The following SPATA6 variants were observed in gnomAD, a reference collection of about 807,000 sequenced individuals.
The protein encoded by SPATA6 is spermatogenesis associated 6.
A neutral mutation model predicts 65.3 loss-of-function variants in SPATA6; 56 were observed. That is an observed-to-expected ratio of 0.86 (90% confidence interval 0.69 to 1.07). The LOEUF is 1.07. Among genes scored for constraint, SPATA6 ranks in the 50% least tolerant of loss-of-function variants. The pLI, the probability that SPATA6 is intolerant of heterozygous loss-of-function variation, is 0.00. For missense variants in SPATA6, 590 were observed against 594.8 expected (o/e 0.99, Z 0.08); for synonymous variants, 199 against 213.2 (o/e 0.93, Z 0.58).
At chr1:48,403,970 C>T in intron 5 of SPATA6, 88 bp from the exon 6 acceptor site, 21 of 912,926 alleles carry the variant, frequency 2.3e-5, no homozygotes, top group South Asian at 1.3e-4. Flanking sequence ...AAGTAACAAA[C>T]ACCTGTCAAA....
intron 11 of SPATA6, among the ~76,000 whole-genome samples, chr1:48,349,575 G>A (rs757762762): frequency 6.6e-6 from 1 of 151,824 alleles, no homozygotes; most frequent in Non-Finnish European, 1.5e-5. Context: ...AATGCATAAA[G>A]TTATTTATTG....
At chr1:48,406,739 T>C (rs1171426016) in intron 5 of SPATA6, among the ~76,000 whole-genome samples, 4 of 152,184 alleles carry the variant, frequency 2.6e-5, no homozygotes, top group African/African-American at 9.7e-5. Context: ...TTATTGAGTG[T>C]TTACTTGCCA....
At chr1:48,471,583 G>T (rs1427117038) in intron 1 of SPATA6, among the ~76,000 whole-genome samples, 1 of 152,134 alleles carries the variant, frequency 6.6e-6, no homozygotes, top group African/African-American at 2.4e-5. Context: ...AAAGGCGGGG[G>T]CAATAATTCT....
At position 48,297,674 on chromosome 1, in the gene SPATA6, T is replaced by C. The variant is rs1202046935; in HGVS notation, c.*1039A>G. The C allele has an allele frequency of 6.6e-6, 1 of 152,174 alleles. No homozygotes were observed. Among genetic ancestry groups the C allele is most frequent in the South Asian group, 2.1e-4 (1 of 4,832 alleles). The allele number at this position is 152,174 out of a possible 1,614,324, so 9.4% of individuals were successfully genotyped here. On this transcript the variant is annotated 3_prime_UTR_variant, in exon 13 of 13. Transcript: ENST00000371847. Reference sequence around the variant, plus strand: ...CCCTCCCCTCACTCTCTATTAAATATAAAGTAGCTGATTTCTTTATGTCTT... The same window carrying C: ...CCCTCCCCTCACTCTCTATTAAATACAAAGTAGCTGATTTCTTTATGTCTT...
rs1428733174 is a variant in SPATA6, at chr1:48,336,119, A to G, written c.1194+19551T>C. On this transcript the variant is annotated intron_variant, in intron 11 of 12. Transcript: ENST00000371847. ...TCAGTCAGAATGGCTATCGTTAAAA[A>G]GTCAAAAAATAACAGATGTTGGTGA... Among the ~76,000 whole-genome samples, 60 of 152,150 alleles carry G rather than the reference A, an allele frequency of 3.9e-4. 1 individual carries two copies. The highest frequency in any genetic ancestry group is 3.4e-3 in the Admixed American group (52 of 15,262).
intron 1 of SPATA6, among the ~76,000 whole-genome samples, chr1:48,463,193 C>T (rs1262836591): frequency 6.6e-6 from 1 of 152,196 alleles, no homozygotes; most frequent in African/African-American, 2.4e-5. Context: ...TCAAGTGAGC[C>T]AATCCCCATA....
downstream of SPATA6, among the ~76,000 whole-genome samples, chr1:48,291,692 G>A (rs189916802): frequency 5.3e-5 from 8 of 152,214 alleles, no homozygotes; most frequent in South Asian, 6.2e-4. Context: ...GAAAGCAAGC[G>A]GACTCACAGT....
intron 12 of SPATA6, among the ~76,000 whole-genome samples, chr1:48,299,551 C>T (rs1644885899): frequency 1.0e-5 from 1 of 99,720 alleles, no homozygotes; most frequent in South Asian, 3.9e-4. Flanking sequence ...TGCATAGTTG[C>T]TAAAAGTCAG....
downstream of SPATA6, among the ~76,000 whole-genome samples, chr1:48,291,606 G>A (rs1022226259): frequency 6.6e-6 from 1 of 152,110 alleles, no homozygotes; most frequent in Non-Finnish European, 1.5e-5. Context: ...CCCTCACCCA[G>A]TAGCACTGAG....
At chr1:48,353,872 A>G (rs1646582882) in intron 11 of SPATA6, among the ~76,000 whole-genome samples, 1 of 152,182 alleles carries the variant, frequency 6.6e-6, no homozygotes, top group East Asian at 1.9e-4. Flanking sequence ...AATGCTAATC[A>G]AAAAGGAAAA....
intron 11 of SPATA6, among the ~76,000 whole-genome samples, chr1:48,314,179 C>T (rs1645325790): frequency 6.6e-6 from 1 of 152,160 alleles, no homozygotes; most frequent in Admixed American, 6.5e-5. Flanking sequence ...CTCAGCTCTG[C>T]ACCAAGCAGA....
chr1:48,452,122 T>C (rs1253959328), intron 2 of SPATA6, among the ~76,000 whole-genome samples: 1 of 152,186 alleles, frequency 6.6e-6, no homozygotes, highest in African/African-American at 2.4e-5. Flanking sequence ...CCCATTACAA[T>C]GAAAGCTCCC....
chr1:48,366,781 GTGTCT>G (rs1647031603), intron 9 of SPATA6, among the ~76,000 whole-genome samples: 1 of 151,954 alleles, frequency 6.6e-6, no homozygotes, highest in Non-Finnish European at 1.5e-5. Context: ...AGGGTTTTTT[GTGTCT>G]CTATTTCCTT....
intron 1 of SPATA6, among the ~76,000 whole-genome samples, chr1:48,468,703 T>C (rs568331448): frequency 2.0e-5 from 3 of 151,660 alleles, no homozygotes; most frequent in Non-Finnish European, 2.9e-5. Context: ...AAAAGGAACA[T>C]TGTGGGAATA....
chr1:48,379,998 C>T (rs986386532), intron 9 of SPATA6, among the ~76,000 whole-genome samples: 4 of 152,234 alleles, frequency 2.6e-5, no homozygotes, highest in African/African-American at 9.6e-5. Context: ...CATTCCACAA[C>T]ATATACATAT....
chr1:48,392,725 AACTT>A (rs1288899040), intron 8 of SPATA6, among the ~76,000 whole-genome samples: 2 of 152,128 alleles, frequency 1.3e-5, no homozygotes, highest in African/African-American at 4.8e-5. Flanking sequence ...ATCCTATAAA[AACTT>A]AATAAATATT....
intron 3 of SPATA6, among the ~76,000 whole-genome samples, chr1:48,434,255 G>GAA (rs1491260601): frequency 0.022 from 740 of 33,236 alleles, 11 homozygotes; most frequent in African/African-American, 0.055. Flanking sequence ...ATACAGCAGT[G>GAA]AAAGAAAAAA....
At chr1:48,287,867 C>A in the SPATA6 span, among the ~76,000 whole-genome samples, 15 of 152,206 alleles carry the variant, frequency 9.9e-5, no homozygotes, top group African/African-American at 3.4e-4. Flanking sequence ...GAGTGAGCAT[C>A]TTTTCCTTGT....
intron 3 of SPATA6, chr1:48,436,659 G>A (rs555754834): frequency 1.7e-5 from 27 of 1,614,188 alleles, no homozygotes; most frequent in South Asian, 4.4e-5. Flanking sequence ...CAGTGCAGCC[G>A]TGGCTGAGTC....
Sources: gnomAD v4.1 joint callset for allele counts (sites outside exome capture counted in the v4.1 genomes callset) on GRCh38, gnomAD v4.1.1 for gene constraint, MANE v1.5 for transcripts, NCBI Gene and HGNC (gene_info 2026-07-23, HGNC 2026-07-21) for gene names.